Variants in EEIG1 observed in about 807,000 individuals in gnomAD.
The protein encoded by EEIG1 is early estrogen-induced gene 1 protein.
chr9:127,945,815 G>A, the EEIG1 span: 27 of 1,176,222 alleles, frequency 2.3e-5, no homozygotes, highest in Non-Finnish European at 3.0e-5. This position sits in a 1 kb window ranked among gnomAD's most constrained non-coding sequence, Gnocchi z 6.5. Context: ...GCTCACTGTC[G>A]CCCTTCACAA....
At chr9:127,970,166 T>G in the EEIG1 span, among the ~76,000 whole-genome samples, 1 of 152,006 alleles carries the variant, frequency 6.6e-6, no homozygotes, top group African/African-American at 2.4e-5. Flanking sequence ...TACGCTGGAG[T>G]GCAGTGGCGC....
chr9:127,959,986 C>A, the EEIG1 span, among the ~76,000 whole-genome samples: 2 of 152,174 alleles, frequency 1.3e-5, no homozygotes, highest in African/African-American at 2.4e-5. Context: ...CTTAACTGTA[C>A]ACTTTAAATG....
the EEIG1 span, among the ~76,000 whole-genome samples, chr9:127,951,895 C>G: frequency 1.3e-5 from 2 of 152,070 alleles, no homozygotes; most frequent in African/African-American, 4.8e-5. Context: ...ACAGCTAACC[C>G]AACAGAGACA....
chr9:127,940,796 AGAG>A, the EEIG1 span: 7 of 151,988 alleles, frequency 4.6e-5, no homozygotes, highest in African/African-American at 1.7e-4. Flanking sequence ...CCCTAAAGAC[AGAG>A]GAGAACATGG....
chr9:127,976,633 G>A, the EEIG1 span, among the ~76,000 whole-genome samples: 4,557 of 152,320 alleles, frequency 0.03, 100 homozygotes, highest in South Asian at 0.071. The surrounding 1 kb of genome is among the most constrained non-coding windows in gnomAD (Gnocchi z 4.1). Flanking sequence ...GGAGGCCTCA[G>A]GAAGATGAGG....
the EEIG1 span, among the ~76,000 whole-genome samples, chr9:127,949,183 G>A: frequency 2.6e-5 from 4 of 151,930 alleles, no homozygotes; most frequent in East Asian, 1.9e-4. Context: ...GCGTGGTGGC[G>A]GGCACCTGTA....
At chr9:127,970,806 T>C in the EEIG1 span, among the ~76,000 whole-genome samples, 1 of 152,250 alleles carries the variant, frequency 6.6e-6, no homozygotes, top group African/African-American at 2.4e-5. Context: ...GCCCTTGCCG[T>C]GCCTCTGCCG....
the EEIG1 span, among the ~76,000 whole-genome samples, chr9:127,964,352 A>G: frequency 4.0e-4 from 61 of 152,172 alleles, no homozygotes; most frequent in Admixed American, 4.0e-3. Context: ...ATCCAGCATT[A>G]CTGCCCAGTA....
At chr9:127,970,625 C>G in the EEIG1 span, among the ~76,000 whole-genome samples, 2 of 152,198 alleles carry the variant, frequency 1.3e-5, no homozygotes, top group African/African-American at 4.8e-5. Flanking sequence ...CAGTCCCAAG[C>G]AATCAACCCC....
the EEIG1 span, among the ~76,000 whole-genome samples, chr9:127,954,121 G>A: frequency 1.3e-5 from 2 of 152,226 alleles, no homozygotes; most frequent in Admixed American, 6.5e-5. Flanking sequence ...CAGTGAAAAC[G>A]TAATAAAAAT....
chr9:127,945,148 CTT>C, the EEIG1 span, among the ~76,000 whole-genome samples: 5 of 152,144 alleles, frequency 3.3e-5, no homozygotes, highest in Admixed American at 6.5e-5. The surrounding 1 kb of genome is among the most constrained non-coding windows in gnomAD (Gnocchi z 6.5). Flanking sequence ...AGATCGTGCT[CTT>C]GTCTGATCCA....
chr9:127,943,413 T>G, the EEIG1 span: 1 of 635,538 alleles, frequency 1.6e-6, no homozygotes, highest in Non-Finnish European at 2.8e-6. Context: ...GTGACACAGA[T>G]AGTAAGCATC....
chr9:127,980,558 C>G, the EEIG1 span: 1 of 151,234 alleles, frequency 6.6e-6, no homozygotes, highest in African/African-American at 2.4e-5. Context: ...GGCTGGCTGG[C>G]CGGTAAGGCT....
the EEIG1 span, among the ~76,000 whole-genome samples, chr9:127,948,944 A>C: frequency 3.3e-5 from 5 of 152,212 alleles, no homozygotes; most frequent in Non-Finnish European, 7.3e-5. Flanking sequence ...GCTGAGATGG[A>C]GTGACAGGCA....
the EEIG1 span, chr9:127,950,351 G>A: frequency 1.3e-6 from 2 of 1,489,204 alleles, no homozygotes; most frequent in Non-Finnish European, 1.9e-6. Context: ...CTCCTCCAGA[G>A]GATTCTGATG....
chr9:127,959,830 T>C, the EEIG1 span, among the ~76,000 whole-genome samples: 18 of 152,354 alleles, frequency 1.2e-4, 1 homozygote, highest in African/African-American at 4.1e-4. Flanking sequence ...TATTTCTTTA[T>C]GGCAGTGTGA....
At chr9:127,943,559 G>A in the EEIG1 span, 3 of 373,130 alleles carry the variant, frequency 8.0e-6, no homozygotes, top group East Asian at 1.7e-4. Context: ...AGGGATGTGA[G>A]GGTGACCAAG....
At chr9:127,967,565 T>C in the EEIG1 span, among the ~76,000 whole-genome samples, 1 of 152,256 alleles carries the variant, frequency 6.6e-6, no homozygotes, top group African/African-American at 2.4e-5. Flanking sequence ...CACACTGGGC[T>C]GTGGTAGCAG....
At chr9:127,944,744 T>C in the EEIG1 span, 2 of 1,611,298 alleles carry the variant, frequency 1.2e-6, no homozygotes, top group Admixed American at 3.3e-5. Context: ...TTGGAGCAGG[T>C]GGCCTCGCCC....
Sources: gnomAD v4.1 joint callset for allele counts (sites outside exome capture counted in the v4.1 genomes callset) on GRCh38, gnomAD v4.1.1 for gene constraint, Gnocchi (gnomAD v3.1) non-coding constraint, MANE v1.5 for transcripts, NCBI Gene and HGNC (gene_info 2026-07-23, HGNC 2026-07-21) for gene names.